Variants in NMBR observed in about 807,000 individuals in gnomAD.
The protein encoded by NMBR is neuromedin B receptor.
Under a neutral mutation model 20.5 loss-of-function variants are expected in NMBR, and 16 were observed. The ratio of observed to expected loss-of-function variants is 0.78; its 90% CI spans 0.53 to 1.19. The LOEUF is 1.19. Among genes scored for constraint, NMBR ranks in the 50% most tolerant of loss-of-function variants. The probability of loss-of-function intolerance (pLI) is 0.00; values close to 1 mark genes in which losing one functional copy is unlikely to be tolerated. For missense variants in NMBR, 582 were observed against 499.1 expected (o/e 1.17, Z -1.58); for synonymous variants, 212 against 196.6 (o/e 1.08, Z -0.65).
intron 1 of NMBR, among the ~76,000 whole-genome samples, chr6:142,109,894 T>C (rs924599415): frequency 6.6e-6 from 1 of 152,090 alleles, no homozygotes; most frequent in Non-Finnish European, 1.5e-5. Context: ...AATGGCACCA[T>C]ATATAGATAT....
In NMBR at chr6:142,135,018, A is replaced by G. The variant is rs528989788; in HGVS notation, c.-664+12026T>C. 2.7e-5 allele frequency: 12 copies of G among 445,162 alleles called. 1 individual carries two copies. The South Asian group carries it at 6.1e-4, about 23-fold the overall frequency. 27.6% of individuals were successfully genotyped at this position (445,162 alleles called of 1,614,324 possible). Reference sequence around the variant, plus strand: ...ACAATTTCAAAACAAACTTACTTCAATGTGTCTGAAATTTTTGTCTACTAT... The same window carrying G: ...ACAATTTCAAAACAAACTTACTTCAGTGTGTCTGAAATTTTTGTCTACTAT... On this transcript the variant is annotated intron_variant, in intron 1 of 3. Coordinates refer to ENST00000258042, the MANE Select transcript of NMBR (RefSeq NM_002511.4).
At chr6:142,082,145 C>A (rs1363907511) in intron 2 of NMBR, among the ~76,000 whole-genome samples, 2 of 152,132 alleles carry the variant, frequency 1.3e-5, no homozygotes, top group Non-Finnish European at 2.9e-5. Context: ...AATGACACTA[C>A]CCAAAATTTC....
chr6:142,097,826 G>T (rs1038010569), intron 1 of NMBR, among the ~76,000 whole-genome samples: 1 of 151,932 alleles, frequency 6.6e-6, no homozygotes, highest in South Asian at 2.1e-4. Flanking sequence ...GTTGAAGAAG[G>T]AAGTTGCATA....
At chr6:142,078,338 C>T (rs770017205) in intron 3 of NMBR, among the ~76,000 whole-genome samples, 4 of 152,174 alleles carry the variant, frequency 2.6e-5, no homozygotes, top group Non-Finnish European at 4.4e-5. Flanking sequence ...GGCCTTATCA[C>T]AGATCCAGAT....
intron 1 of NMBR, among the ~76,000 whole-genome samples, chr6:142,093,512 A>G (rs1417467958): frequency 1.3e-5 from 2 of 151,800 alleles, no homozygotes; most frequent in South Asian, 2.1e-4. Context: ...ATAGTATTCC[A>G]TGGTGTATAT....
intron 1 of NMBR, among the ~76,000 whole-genome samples, chr6:142,143,497 T>G (rs1223471441): frequency 6.6e-6 from 1 of 152,220 alleles, no homozygotes; most frequent in African/African-American, 2.4e-5. Context: ...TTGGCCAGGC[T>G]GATCACAAAC....
intron 1 of NMBR, among the ~76,000 whole-genome samples, chr6:142,093,626 T>C (rs1377323860): frequency 1.3e-5 from 2 of 152,126 alleles, no homozygotes; most frequent in Non-Finnish European, 2.9e-5. Flanking sequence ...TGTGCATGTG[T>C]TTTTATAGCA....
intron 2 of NMBR, among the ~76,000 whole-genome samples, chr6:142,079,598 C>T (rs959357738): frequency 6.6e-6 from 1 of 152,064 alleles, no homozygotes; most frequent in African/African-American, 2.4e-5. Context: ...TGAGCATGAG[C>T]CCCTTCACTC....
chr6:142,145,078 A>G (rs561435639), intron 1 of NMBR, among the ~76,000 whole-genome samples: 1 of 152,090 alleles, frequency 6.6e-6, no homozygotes, highest in African/African-American at 2.4e-5. Context: ...AAAGAAAGAA[A>G]AGAAAAGAGC....
intron 3 of NMBR, among the ~76,000 whole-genome samples, chr6:142,076,336 A>G (rs1352918317): frequency 6.6e-6 from 1 of 152,142 alleles, no homozygotes; most frequent in African/African-American, 2.4e-5. Context: ...TTTTTGCTTA[A>G]TGTCTCATTG....
chr6:142,093,152 T>C (rs1381594012), intron 1 of NMBR, among the ~76,000 whole-genome samples: 1 of 152,060 alleles, frequency 6.6e-6, no homozygotes, highest in Non-Finnish European at 1.5e-5. Flanking sequence ...AGAATTTTTT[T>C]TCTTTTTTTT....
intron 1 of NMBR, among the ~76,000 whole-genome samples, chr6:142,097,386 T>G (rs1277494070): frequency 1.3e-5 from 2 of 151,874 alleles, no homozygotes; most frequent in Non-Finnish European, 2.9e-5. Context: ...TCTCTATTTA[T>G]ATCTGGTCTA....
rs74328465 is a variant in NMBR, at chr6:142,114,143, C to A, written c.-663-24822G>T. Among the ~76,000 whole-genome samples the A allele has an allele frequency of 2.7e-4, 41 of 152,124 alleles. No homozygotes were observed. In the East Asian group the frequency reaches 5.6e-3, roughly 21 times the overall value. ...TTAAAAGACTGATATGAATTTGGCC[C>A]ACTGCATATAACCTGGAGCAATATT... On this transcript the variant is annotated intron_variant, in intron 1 of 3. Coordinates refer to ENST00000258042, the MANE Select transcript of NMBR (RefSeq NM_002511.4).
chr6:142,139,208 T>G (rs1440249848), intron 1 of NMBR, among the ~76,000 whole-genome samples: 1 of 152,300 alleles, frequency 6.6e-6, no homozygotes, highest in Middle Eastern at 3.4e-3. Flanking sequence ...GGAAGATCAC[T>G]TTTCCAAAAA....
At chr6:142,097,611 G>T (rs1038124806) in intron 1 of NMBR, among the ~76,000 whole-genome samples, 2 of 152,060 alleles carry the variant, frequency 1.3e-5, no homozygotes, top group Non-Finnish European at 2.9e-5. Flanking sequence ...GGCTGTCTGT[G>T]ATGTTTAAAC....
intron 1 of NMBR, among the ~76,000 whole-genome samples, chr6:142,137,979 G>GAAATACAAATAAAAA (rs1778293184): frequency 6.7e-6 from 1 of 150,234 alleles, no homozygotes. Context: ...TCTTCTTGGG[G>GAAATACAAATAAAAA]AAAAAAAAAA....
chr6:142,134,981 T>TACTC, intron 1 of NMBR: 1 of 482,966 alleles, frequency 2.1e-6, no homozygotes, highest in East Asian at 3.2e-5. Flanking sequence ...AGTTTTATCT[T>TACTC]ACTCAGTGAG....
At chr6:142,120,203 C>T (rs535864556) in intron 1 of NMBR, among the ~76,000 whole-genome samples, 1 of 151,914 alleles carries the variant, frequency 6.6e-6, no homozygotes, top group South Asian at 2.1e-4. Context: ...TTGGACAAAA[C>T]CTATAACAAT....
chr6:142,098,519 T>G (rs1052681513), intron 1 of NMBR, among the ~76,000 whole-genome samples: 1 of 152,076 alleles, frequency 6.6e-6, no homozygotes, highest in African/African-American at 2.4e-5. Flanking sequence ...TAAATCACTT[T>G]CCTATATACC....
Sources: allele counts gnomAD v4.1 joint callset (sites outside exome capture counted in the v4.1 genomes callset), GRCh38; gene constraint gnomAD v4.1.1; transcripts MANE v1.5; gene names NCBI Gene and HGNC (gene_info 2026-07-23, HGNC 2026-07-21).